The following FRMD4B variants were observed in gnomAD, a reference collection of about 807,000 sequenced individuals.
FRMD4B encodes the protein FERM domain containing 4B.
A neutral mutation model predicts 141.5 loss-of-function variants in FRMD4B; 74 were observed. The ratio of observed to expected loss-of-function variants is 0.52; its 90% CI spans 0.43 to 0.63. The LOEUF (loss-of-function observed/expected upper bound fraction) is 0.63, where lower values mean the gene tolerates loss of function less well. Ranked by LOEUF, FRMD4B falls within the 30% of genes least tolerant of loss-of-function variation. FRMD4B has a pLI of 0.00. For missense variants in FRMD4B, 1,366 were observed against 1,253.4 expected, an observed-to-expected ratio of 1.09 and a Z score of -1.36; for synonymous variants, 506 against 467.9, an observed-to-expected ratio of 1.08 and a Z score of -1.05.
chr3:69,324,646 G>A (rs773876454), intron 1 of FRMD4B, among the ~76,000 whole-genome samples: 1 of 152,214 alleles, frequency 6.6e-6, no homozygotes, highest in African/African-American at 2.4e-5. Flanking sequence ...CTGCTTTAGA[G>A]GTGAGGAGAA....
chr3:69,456,387 C>T (rs982563216), intron 1 of FRMD4B, among the ~76,000 whole-genome samples: 1 of 152,014 alleles, frequency 6.6e-6, no homozygotes, highest in African/African-American at 2.4e-5. Flanking sequence ...AGGAATTTAC[C>T]CTAAGGAAAA....
chr3:69,464,392 C>T (rs968716180), intron 1 of FRMD4B, among the ~76,000 whole-genome samples: 4 of 152,124 alleles, frequency 2.6e-5, no homozygotes, highest in Admixed American at 1.3e-4. Flanking sequence ...AGCGCCCTTA[C>T]CCATAGACTG....
chr3:69,232,025 TGG>T (rs2093310766), intron 7 of FRMD4B, among the ~76,000 whole-genome samples: 1 of 152,078 alleles, frequency 6.6e-6, no homozygotes, highest in Non-Finnish European at 1.5e-5. Flanking sequence ...CCTGGCCGGC[TGG>T]GCAGGAGGCA....
intron 12 of FRMD4B, chr3:69,197,781 C>G (rs183112214): frequency 6.6e-6 from 1 of 152,470 alleles, no homozygotes; most frequent in Non-Finnish European, 1.5e-5. Context: ...CCTCCCATCC[C>G]TCTGGCCTCT....
chr3:69,528,387 C>T (rs919844144), intron 1 of FRMD4B, among the ~76,000 whole-genome samples: 21 of 147,000 alleles, frequency 1.4e-4, no homozygotes, highest in African/African-American at 5.1e-4. Flanking sequence ...TTTTTTGAGA[C>T]ACAGTGTCAC....
rs1197837008 is a variant in FRMD4B at position 69,335,572 on chromosome 3, TC to T, written c.163-22056del. 3.3e-5 allele frequency among the ~76,000 whole-genome samples: 5 copies of T among 151,708 alleles called. No individual in the cohort carries two copies. The East Asian group carries it at 7.8e-4, about 24-fold the overall frequency. On this transcript the variant is annotated intron_variant, in intron 1 of 22. Coordinates refer to ENST00000398540, the MANE Select transcript of FRMD4B (RefSeq NM_015123.3). ...TCCTTGTGATCTGCCCACCTCGGCT[TC>T]CCAAAGTGTTGGGATTATGGGCATG...
chr3:69,215,024 C>T (rs944671532), intron 11 of FRMD4B, among the ~76,000 whole-genome samples: 5 of 150,672 alleles, frequency 3.3e-5, no homozygotes, highest in Non-Finnish European at 7.4e-5. Flanking sequence ...GGACTATACG[C>T]GCATGCCGCT....
rs561672616 is a variant in FRMD4B, at chr3:69,354,232, A to G, written c.162+31596T>C. Among the ~76,000 whole-genome samples, 15 of 152,340 alleles carry G rather than the reference A, an allele frequency of 9.8e-5. No individual in the cohort carries two copies. The South Asian group carries it at 2.1e-3, about 21-fold the overall frequency. ...AGATTCATTTCACTATTTGCATTTA[A>G]TGAAATCATTACTATTGAAGTCATT... On this transcript the variant is annotated intron_variant, in intron 1 of 22. Transcript: ENST00000398540.
intron 1 of FRMD4B, among the ~76,000 whole-genome samples, chr3:69,332,617 C>A (rs753064540): frequency 2.7e-4 from 41 of 152,050 alleles, no homozygotes; most frequent in Non-Finnish European, 5.6e-4. Context: ...CACTCCATTG[C>A]CCAGGCTGGA....
At chr3:69,465,863 T>A (rs1326805503) in intron 1 of FRMD4B, among the ~76,000 whole-genome samples, 2 of 152,226 alleles carry the variant, frequency 1.3e-5, no homozygotes, top group Non-Finnish European at 2.9e-5. Context: ...TGTGTCCATG[T>A]GTCTTTATAG....
At chr3:69,451,569 T>C (rs1328869250) in intron 1 of FRMD4B, among the ~76,000 whole-genome samples, 1 of 152,192 alleles carries the variant, frequency 6.6e-6, no homozygotes, top group Non-Finnish European at 1.5e-5. Flanking sequence ...GTATCATGGC[T>C]TATCCACCCA....
intron 7 of FRMD4B, among the ~76,000 whole-genome samples, chr3:69,231,185 G>C (rs187109946): frequency 4.4e-4 from 67 of 152,356 alleles, no homozygotes; most frequent in African/African-American, 1.3e-3. Context: ...CATGAGGAAA[G>C]AGGGAATTTT....
intron 2 of FRMD4B, among the ~76,000 whole-genome samples, chr3:69,409,902 G>A (rs73109428): frequency 0.018 from 2,781 of 152,284 alleles, 36 homozygotes; most frequent in Non-Finnish European, 0.029. Flanking sequence ...CTTGAAGTTA[G>A]AACCCTTCAG....
At chr3:69,192,570 G>GT (rs77741737) in intron 17 of FRMD4B, among the ~76,000 whole-genome samples, 11,390 of 152,132 alleles carry the variant, frequency 0.075, 1,184 homozygotes, top group East Asian at 0.28. Context: ...CTAAGTTTAT[G>GT]TTTTTTCTGA....
intron 1 of FRMD4B, among the ~76,000 whole-genome samples, chr3:69,516,788 A>G (rs574876743): frequency 6.6e-6 from 1 of 152,334 alleles, no homozygotes; most frequent in East Asian, 1.9e-4. Flanking sequence ...ATAATTAATC[A>G]TCAGTGAAAC....
intron 2 of FRMD4B, among the ~76,000 whole-genome samples, chr3:69,404,583 T>A (rs1167502026): frequency 1.3e-5 from 2 of 152,140 alleles, no homozygotes; most frequent in African/African-American, 4.8e-5. Flanking sequence ...AGCTGAAACT[T>A]AGGTTAAGGG....
intron 2 of FRMD4B, among the ~76,000 whole-genome samples, chr3:69,420,182 G>T (rs1397145325): frequency 2.0e-5 from 3 of 150,976 alleles, no homozygotes; most frequent in Non-Finnish European, 4.4e-5. Flanking sequence ...ATCTGCTGGG[G>T]TTGATAAGCA....
chr3:69,266,022 C>A (rs1355141154), intron 5 of FRMD4B, among the ~76,000 whole-genome samples: 2 of 148,692 alleles, frequency 1.3e-5, no homozygotes, highest in African/African-American at 2.5e-5. Context: ...CATAGTGAGA[C>A]CCTCTTGCTA....
At chr3:69,209,571 T>C (rs901197073) in intron 11 of FRMD4B, among the ~76,000 whole-genome samples, 15 of 152,208 alleles carry the variant, frequency 9.9e-5, no homozygotes, top group Admixed American at 5.9e-4. Context: ...GTGACAGCTC[T>C]GAGTCAGCCA....
Sources: gnomAD v4.1 joint callset for allele counts (sites outside exome capture counted in the v4.1 genomes callset) on GRCh38, gnomAD v4.1.1 for gene constraint, MANE v1.5 for transcripts, NCBI Gene and HGNC (gene_info 2026-07-23, HGNC 2026-07-21) for gene names.